SOX5: variants seen among roughly 807,000 people sequenced by gnomAD.
SOX5 encodes SRY-box transcription factor 5.
SOX5 carries 9 observed loss-of-function variants against 92.0 expected under a neutral mutation model. The ratio of observed to expected loss-of-function variants is 0.10; its 90% CI spans 0.06 to 0.17. The LOEUF (loss-of-function observed/expected upper bound fraction) is 0.17, where lower values mean the gene tolerates loss of function less well. Among genes scored for constraint, SOX5 ranks in the 10% least tolerant of loss-of-function variants. SOX5 has a pLI of 1.00. For missense variants in SOX5, 642 were observed against 944.5 expected, an observed-to-expected ratio of 0.68 and a Z score of 4.20; for synonymous variants, 344 against 336.3, an observed-to-expected ratio of 1.02 and a Z score of -0.25.
At chr12:24,005,491 C>T (rs1018541929) in intron 4 of SOX5, among the ~76,000 whole-genome samples, 1 of 152,142 alleles carries the variant, frequency 6.6e-6, no homozygotes, top group Non-Finnish European at 1.5e-5. Flanking sequence ...CTACAATTCT[C>T]TCTGTCTGGC....
intron 9 of SOX5, among the ~76,000 whole-genome samples, chr12:23,594,535 T>C (rs1334659515): frequency 1.3e-5 from 2 of 151,976 alleles, no homozygotes; most frequent in African/African-American, 4.8e-5. Flanking sequence ...AATTAATTAA[T>C]TGGCACAGGA....
At chr12:24,053,124 G>T (rs1022813157) in intron 4 of SOX5, among the ~76,000 whole-genome samples, 1 of 151,166 alleles carries the variant, frequency 6.6e-6, no homozygotes, top group Non-Finnish European at 1.5e-5. Flanking sequence ...TTGATATGTG[G>T]TATCCTGTAA....
chr12:24,159,607 G>A (rs1952544993), intron 4 of SOX5, among the ~76,000 whole-genome samples: 1 of 151,872 alleles, frequency 6.6e-6, no homozygotes, highest in African/African-American at 2.4e-5. Flanking sequence ...CTCATTAACT[G>A]AACTCTTAAC....
rs1373129083 is a variant in SOX5, at chr12:23,530,846, A to T, written c.*3373T>A. The T allele has an allele frequency of 4.4e-5, 2 of 45,466 alleles. No individual in the cohort carries two copies. The highest frequency in any genetic ancestry group is 1.8e-3 in the South Asian group (2 of 1,100). 2.8% of individuals were successfully genotyped at this position (45,466 alleles called of 1,614,324 possible). On this transcript the variant is annotated 3_prime_UTR_variant, in exon 15 of 15. Coordinates refer to ENST00000451604, the MANE Select transcript of SOX5 (RefSeq NM_006940.6). Reference sequence around the variant, plus strand: ...GCGCGCGCGCGCGCGCATGTGAGAGAGAGAGAGAAAGGGAAAGAGATAAAG... The same window carrying T: ...GCGCGCGCGCGCGCGCATGTGAGAGTGAGAGAGAAAGGGAAAGAGATAAAG...
At chr12:23,753,361 A>C (rs1260093024) in intron 4 of SOX5, among the ~76,000 whole-genome samples, 1 of 151,726 alleles carries the variant, frequency 6.6e-6, no homozygotes, top group Admixed American at 6.6e-5. Flanking sequence ...ACACGCACAC[A>C]CTTATTCACT....
intron 1 of SOX5, among the ~76,000 whole-genome samples, chr12:24,405,907 C>T (rs185028836): frequency 2.6e-5 from 4 of 152,172 alleles, no homozygotes; most frequent in East Asian, 3.9e-4. Context: ...ATGCCAAGTC[C>T]CATCTTTCCC....
intron 9 of SOX5, among the ~76,000 whole-genome samples, chr12:23,577,786 C>A (rs1949401344): frequency 4.6e-5 from 7 of 151,906 alleles, no homozygotes; most frequent in Non-Finnish European, 7.4e-5. Context: ...ATCACTGATG[C>A]AACATTTAAT....
At chr12:24,193,339 G>A (rs1338861436) in intron 4 of SOX5, among the ~76,000 whole-genome samples, 1 of 152,168 alleles carries the variant, frequency 6.6e-6, no homozygotes, top group Admixed American at 6.5e-5. Context: ...CACCTCATCT[G>A]AAAGATGATG....
chr12:23,798,918 T>C (rs2095612441), intron 3 of SOX5, among the ~76,000 whole-genome samples: 1 of 151,972 alleles, frequency 6.6e-6, no homozygotes, highest in African/African-American at 2.4e-5. Flanking sequence ...TTGTATACAA[T>C]GAGGTATGAT....
intron 13 of SOX5, among the ~76,000 whole-genome samples, chr12:23,538,669 G>A (rs1941175069): frequency 6.6e-6 from 1 of 152,182 alleles, no homozygotes; most frequent in Admixed American, 6.5e-5. Context: ...AGATCAGGGA[G>A]TGGAAAGTGA....
Position 23,838,843 on chromosome 12 carries a change from T to TTG in SOX5, c.481+7139_481+7140insCA, listed in dbSNP as rs1555374991. ...CTAATTCCCAGTAGTTCTTTTTTTT[T>TTG]GGGGGGGGGGGGCGGGGATGGAGTC... is the stretch of plus-strand genomic sequence containing the variant. On this transcript the variant is annotated intron_variant, in intron 3 of 14. Transcript: ENST00000451604. Among the ~76,000 whole-genome samples, 284 of 38,150 alleles carry TTG rather than the reference T, an allele frequency of 7.4e-3. 9 individuals carry two copies. The highest frequency in any genetic ancestry group is 9.1e-3 in the Non-Finnish European group (177 of 19,466). 25.0% of individuals were successfully genotyped at this position (38,150 alleles called of 152,430 possible).
intron 13 of SOX5, among the ~76,000 whole-genome samples, chr12:23,539,081 A>G (rs1191510410): frequency 6.6e-6 from 1 of 152,002 alleles, no homozygotes; most frequent in Non-Finnish European, 1.5e-5. Flanking sequence ...CCGGGATTAC[A>G]GGTGTGAGCC....
At chr12:24,404,044 T>C (rs561278397) in intron 1 of SOX5, among the ~76,000 whole-genome samples, 1 of 152,262 alleles carries the variant, frequency 6.6e-6, no homozygotes, top group Admixed American at 6.5e-5. Flanking sequence ...AAAAGGAAAA[T>C]ATCAAAACAA....
In SOX5 at chr12:24,049,638, G is replaced by GTTTTTTTT. The variant is rs527647441; in HGVS notation, c.-1-153622_-1-153615dup. Among the ~76,000 whole-genome samples the GTTTTTTTT allele has an allele frequency of 1.7e-3, 124 of 73,770 alleles. 11 individuals are homozygous for GTTTTTTTT. The highest frequency in any genetic ancestry group is 3.9e-3 in the African/African-American group (65 of 16,850). 48.4% of individuals were successfully genotyped at this position (73,770 alleles called of 152,430 possible). ...TGTTGATATTTTCCAATCCTTCATA[G>GTTTTTTTT]TTTTTTTTTTTTTTTTTTTTTTTTT... is the stretch of plus-strand genomic sequence containing the variant. On this transcript the variant is annotated intron_variant, in intron 4 of 4. Transcript: ENST00000446891.
In SOX5 at chr12:24,549,245, T is replaced by G. The variant is rs74794897; in HGVS notation, c.-251+13084A>C. 6.2e-3 allele frequency among the ~76,000 whole-genome samples: 952 copies of G among 152,330 alleles called. 11 individuals are homozygous for G. The highest frequency in any genetic ancestry group is 0.021 in the African/African-American group (866 of 41,572). On this transcript the variant is annotated intron_variant, in intron 1 of 4. Coordinates refer to the SOX5 transcript ENST00000446891. ...TGAAATACAGTTCCACAATTTGCAA[T>G]CATAAACGCTGATAATTATTTGATT...
intron 3 of SOX5, among the ~76,000 whole-genome samples, chr12:23,805,654 A>AAT (rs2095756456): frequency 6.6e-6 from 1 of 152,172 alleles, no homozygotes; most frequent in African/African-American, 2.4e-5. Context: ...GGTCTATACA[A>AAT]ATATATATGG....
chr12:24,497,905 G>A (rs1473488180), intron 1 of SOX5, among the ~76,000 whole-genome samples: 1 of 152,146 alleles, frequency 6.6e-6, no homozygotes, highest in African/African-American at 2.4e-5. Context: ...GCAGGGACAT[G>A]GATGGAGCTG....
At chr12:23,928,637 C>T (rs561670017) in intron 1 of SOX5, among the ~76,000 whole-genome samples, 110 of 151,858 alleles carry the variant, frequency 7.2e-4, no homozygotes, top group African/African-American at 2.4e-3. Flanking sequence ...TTTCATTATT[C>T]ATTCCATATA....
intron 9 of SOX5, among the ~76,000 whole-genome samples, chr12:23,599,724 G>T (rs1021187034): frequency 1.3e-5 from 2 of 152,152 alleles, no homozygotes; most frequent in Non-Finnish European, 2.9e-5. Context: ...AGGACTTCTT[G>T]ATAACACAGA....
Sources: gnomAD v4.1 joint callset for allele counts (sites outside exome capture counted in the v4.1 genomes callset) on GRCh38, gnomAD v4.1.1 for gene constraint, MANE v1.5 for transcripts, NCBI Gene and HGNC (gene_info 2026-07-23, HGNC 2026-07-21) for gene names.